ZFYVE28: variants seen among roughly 807,000 people sequenced by gnomAD.
ZFYVE28 encodes the protein lateral signaling target protein 2 homolog.
A neutral mutation model predicts 82.1 loss-of-function variants in ZFYVE28; 40 were observed. That is an observed-to-expected ratio of 0.49 (90% confidence interval 0.38 to 0.63). The LOEUF (loss-of-function observed/expected upper bound fraction) is 0.63, where lower values mean the gene tolerates loss of function less well. Ranked by LOEUF, ZFYVE28 falls within the 30% of genes least tolerant of loss-of-function variation. The pLI, the probability that ZFYVE28 is intolerant of heterozygous loss-of-function variation, is 0.00. For synonymous variants in ZFYVE28, 612 were observed against 546.1 expected (o/e 1.12, Z -1.68); for missense variants, 1,321 against 1,242.1 (o/e 1.06, Z -0.96).
At chr4:2,366,026 G>A (rs940005164) in intron 1 of ZFYVE28, among the ~76,000 whole-genome samples, 4 of 152,040 alleles carry the variant, frequency 2.6e-5, no homozygotes, top group African/African-American at 9.7e-5. Flanking sequence ...CGGCCTCACT[G>A]TGAACTCAGG....
chr4:2,329,878 C>T (rs1033029987), intron 6 of ZFYVE28, among the ~76,000 whole-genome samples: 1 of 152,088 alleles, frequency 6.6e-6, no homozygotes, highest in Non-Finnish European at 1.5e-5. Context: ...AGTAATACTT[C>T]GGGGATAATC....
At chr4:2,271,835 G>A in intron 10 of ZFYVE28, 56 bp from the exon 11 acceptor site, 1 of 1,526,240 alleles carries the variant, frequency 6.6e-7, no homozygotes. Context: ...AATTGATGCA[G>A]GGTCACCTGC....
chr4:2,321,159 C>T (rs1304206158), intron 6 of ZFYVE28, among the ~76,000 whole-genome samples: 6 of 152,072 alleles, frequency 3.9e-5, no homozygotes, highest in African/African-American at 1.4e-4. Flanking sequence ...TCCCCTGTCC[C>T]TCATCATATT....
chr4:2,335,506 T>C lies in ZFYVE28; in HGVS notation c.701+199A>G, dbSNP rs1164096451. Among the ~76,000 whole-genome samples, 1 of 152,008 alleles carries C rather than the reference T, an allele frequency of 6.6e-6. No homozygotes were observed. Among genetic ancestry groups the C allele is most frequent in the African/African-American group, 2.4e-5 (1 of 41,372 alleles). On this transcript the variant is annotated intron_variant, in intron 6 of 12. Transcript: ENST00000290974. The surrounding 1 kb of genome is among the most constrained non-coding windows in gnomAD (Gnocchi z 5.8). ...GACAGAGCCTCCCTCACCAGCAAGG[T>C]GAACAGGGGGCACTCAGGACACGTG...
rs1454074597 is a variant in ZFYVE28, at chr4:2,372,556, G to A, written c.40-18483C>T. Among the ~76,000 whole-genome samples, 2 of 152,096 alleles carry A rather than the reference G, an allele frequency of 1.3e-5. No individual in the cohort carries two copies. Among genetic ancestry groups the A allele is most frequent in the Non-Finnish European group, 1.5e-5 (1 of 67,994 alleles). Reference sequence around the variant, plus strand: ...GCACCATGCCCTATCACCCCATCATGTGGGAGGGGTACACAGAGGTGCGGG... The same window carrying A: ...GCACCATGCCCTATCACCCCATCATATGGGAGGGGTACACAGAGGTGCGGG... On this transcript the variant is annotated intron_variant, in intron 1 of 12. Coordinates refer to ENST00000290974, the MANE Select transcript of ZFYVE28 (RefSeq NM_020972.3). The surrounding 1 kb of genome is among the most constrained non-coding windows in gnomAD (Gnocchi z 5.2).
chr4:2,324,457 T>C lies in ZFYVE28; in HGVS notation c.702-4186A>G, dbSNP rs187805832. 1.8e-5 allele frequency: 3 copies of C among 164,944 alleles called. No homozygotes were observed. In the Admixed American group the frequency reaches 1.8e-4, roughly 10 times the overall value. 10.2% of individuals were successfully genotyped at this position (164,944 alleles called of 1,614,324 possible). A position where few individuals can be genotyped will look rare whatever the true frequency, so the allele number is the denominator to read the frequency against. Reference sequence around the variant, plus strand: ...GGACACGGATGGGTAGAATCATCCATTCAGTGAAGCATGACTTGTGTTGAA... The same window carrying C: ...GGACACGGATGGGTAGAATCATCCACTCAGTGAAGCATGACTTGTGTTGAA... On this transcript the variant is annotated intron_variant, in intron 6 of 12. Coordinates refer to ENST00000290974, the MANE Select transcript of ZFYVE28 (RefSeq NM_020972.3).
At chr4:2,377,176 C>G (rs1728242361) in intron 1 of ZFYVE28, among the ~76,000 whole-genome samples, 1 of 151,702 alleles carries the variant, frequency 6.6e-6, no homozygotes, top group Non-Finnish European at 1.5e-5. Context: ...CGCCCGCTAC[C>G]ACGCCCAGCT....
chr4:2,336,638 G>A (rs1339030870), intron 5 of ZFYVE28, among the ~76,000 whole-genome samples: 1 of 147,238 alleles, frequency 6.8e-6, no homozygotes, highest in Admixed American at 7.3e-5. Context: ...CTGGACTGGG[G>A]AGGTGGGGAG....
In ZFYVE28 at chr4:2,305,087, G is replaced by A. The variant is rs764074943; in HGVS notation, c.1253C>T (p.Ser418Phe). Reference protein sequence around the residue: ...GTAEALARPESPAGPFGWAGS... With the variant: ...GTAEALARPEFPAGPFGWAGS... ...TGCCCACCCAAATGGGCCAGCTGGG[G>A]ACTCGGGCCTGGCCAGGGCTTCTGC... Residue 418 changes from serine to phenylalanine, a missense_variant, in exon 8 of 13, where the codon TCC becomes TTC. By Grantham distance (155) the Ser-to-Phe change is radical. This residue lies in a region of ZFYVE28 where 978 missense variants were observed against 833.7 expected (regional missense o/e 1.17). Transcript: ENST00000290974. 1 of 1,607,384 alleles carries A rather than the reference G, an allele frequency of 6.2e-7. No homozygotes were observed. The highest frequency in any genetic ancestry group is 8.5e-7 in the Non-Finnish European group (1 of 1,176,648).
At chr4:2,383,673 C>A (rs1728957076) in intron 1 of ZFYVE28, among the ~76,000 whole-genome samples, 1 of 152,190 alleles carries the variant, frequency 6.6e-6, no homozygotes, top group Non-Finnish European at 1.5e-5. Flanking sequence ...AGTGTCAAAG[C>A]CTTGGCACCA....
Position 2,403,702 on chromosome 4 carries a change from C to T in ZFYVE28, c.39+14583G>A, listed in dbSNP as rs143047625. Among the ~76,000 whole-genome samples the T allele has an allele frequency of 1.1e-4, 16 of 152,296 alleles. No individual in the cohort carries two copies. The East Asian group carries it at 2.5e-3, about 24-fold the overall frequency. ...AGTGGAAGCCAGCTGCAGTGGCTCA[C>T]GCCTGTAATCCCAGCACTTTGGGAC... On this transcript the variant is annotated intron_variant, in intron 1 of 12. Coordinates refer to ENST00000290974, the MANE Select transcript of ZFYVE28 (RefSeq NM_020972.3).
At chr4:2,275,495 C>A (rs572585345) in intron 8 of ZFYVE28, among the ~76,000 whole-genome samples, 3 of 151,906 alleles carry the variant, frequency 2.0e-5, no homozygotes, top group Admixed American at 6.6e-5. Context: ...GATGCAAAAT[C>A]TTTTCTCTAC....
At position 2,372,919 on chromosome 4, in the gene ZFYVE28, C is replaced by T. The variant is rs3135459; in HGVS notation, c.40-18846G>A. Among the ~76,000 whole-genome samples, 93,185 of 151,786 alleles carry T rather than the reference C, an allele frequency of 0.61. 29,481 individuals are homozygous for T. Among genetic ancestry groups the T allele is most frequent in the East Asian group, 0.74 (3,765 of 5,122 alleles). On this transcript the variant is annotated intron_variant, in intron 1 of 12. Transcript: ENST00000290974. This position sits in a 1 kb window ranked among gnomAD's most constrained non-coding sequence, Gnocchi z 5.2. ...AGCCTCTCTGCCAGCCAACCTTGGA[C>T]GACTAGGGAGGGAAAAACCACCGCA...
intron 8 of ZFYVE28, chr4:2,285,906 C>T (rs1288367770): frequency 6.6e-6 from 1 of 152,636 alleles, no homozygotes; most frequent in South Asian, 2.1e-4. Context: ...GCAGGTCTCT[C>T]CTGGATGTGT....
rs1206209921 is a variant in ZFYVE28, at chr4:2,269,690, A to G, written c.*1035T>C. 1 of 151,926 alleles carries G rather than the reference A, an allele frequency of 6.6e-6. No homozygotes were observed. The highest frequency in any genetic ancestry group is 2.4e-5 in the African/African-American group (1 of 41,334). The allele number at this position is 151,926 out of a possible 1,614,324, so 9.4% of individuals were successfully genotyped here. On this transcript the variant is annotated 3_prime_UTR_variant, in exon 13 of 13. Coordinates refer to ENST00000290974, the MANE Select transcript of ZFYVE28 (RefSeq NM_020972.3). ...ATACATAATATTTCCTCCATTATAT[A>G]CTCTCCCCCCGACAGAAGCCGTTTC...
intron 7 of ZFYVE28, among the ~76,000 whole-genome samples, chr4:2,311,147 A>C (rs1053525196): frequency 6.6e-6 from 1 of 152,104 alleles, no homozygotes; most frequent in African/African-American, 2.4e-5. Context: ...CTTTCCATCT[A>C]TATTATTAGT....
intron 7 of ZFYVE28, among the ~76,000 whole-genome samples, chr4:2,306,668 C>T (rs1466675465): frequency 6.6e-6 from 1 of 152,232 alleles, no homozygotes; most frequent in African/African-American, 2.4e-5. Flanking sequence ...TGTAAGTGTA[C>T]TCCAAATGCT....
intron 1 of ZFYVE28, among the ~76,000 whole-genome samples, chr4:2,377,981 G>A (rs1728337537): frequency 6.6e-6 from 1 of 152,212 alleles, no homozygotes; most frequent in Admixed American, 6.5e-5. Flanking sequence ...ACAGTATACT[G>A]TAGACAACTG....
chr4:2,374,849 T>C (rs9990556), intron 1 of ZFYVE28, among the ~76,000 whole-genome samples: 101,081 of 151,540 alleles, frequency 0.67, 34,023 homozygotes, highest in East Asian at 0.8. Context: ...GACATATCTT[T>C]GTACCCAGCC....
Sources: allele counts gnomAD v4.1 joint callset (sites outside exome capture counted in the v4.1 genomes callset), GRCh38; gene constraint gnomAD v4.1.1; regional missense constraint gnomAD v4.1.1; non-coding constraint Gnocchi (gnomAD v3.1); transcripts MANE v1.5; gene names NCBI Gene and HGNC (gene_info 2026-07-23, HGNC 2026-07-21).